The following ATP10A variants were observed in gnomAD, a reference collection of about 807,000 sequenced individuals.
The protein encoded by ATP10A is ATPase phospholipid transporting 10A (putative).
A neutral mutation model predicts 147.8 loss-of-function variants in ATP10A; 111 were observed. The ratio of observed to expected loss-of-function variants is 0.75; its 90% CI spans 0.64 to 0.88. The LOEUF (loss-of-function observed/expected upper bound fraction) is 0.88. ATP10A is among the 40% of genes least tolerant of loss of function. ATP10A has a pLI of 0.00. For missense variants in ATP10A, 1,927 were observed against 1,959.0 expected (o/e 0.98, Z 0.31); for synonymous variants, 875 against 841.6 (o/e 1.04, Z -0.69).
At chr15:25,675,191 T>C (rs551140235), downstream of ATP10A, among the ~76,000 whole-genome samples, 1 of 152,196 alleles carries the variant, frequency 6.6e-6, no homozygotes, top group East Asian at 1.9e-4. Flanking sequence ...GTTTGTGCCA[T>C]CCCAAGTCTG....
intron 1 of ATP10A, among the ~76,000 whole-genome samples, chr15:25,790,965 T>C (rs1480188445): frequency 2.0e-5 from 3 of 152,164 alleles, no homozygotes; most frequent in Non-Finnish European, 2.9e-5. Context: ...TTTTGCATTG[T>C]AAATATTTTT....
chr15:25,815,621 C>A (rs1891619525), intron 1 of ATP10A, among the ~76,000 whole-genome samples: 1 of 11,814 alleles, frequency 8.5e-5, no homozygotes, highest in East Asian at 3.3e-3. Context: ...GCAACTGTTA[C>A]CCATCACACA....
chr15:25,748,482 T>C (rs576621141), intron 2 of ATP10A, among the ~76,000 whole-genome samples: 1 of 152,240 alleles, frequency 6.6e-6, no homozygotes, highest in South Asian at 2.1e-4. Flanking sequence ...AGGCTACGAA[T>C]AAAAGAATCA....
At chr15:25,733,276 G>A (rs1195946374) in intron 3 of ATP10A, among the ~76,000 whole-genome samples, 1 of 152,138 alleles carries the variant, frequency 6.6e-6, no homozygotes, top group Non-Finnish European at 1.5e-5. Flanking sequence ...CTAGACAGCA[G>A]ATCTACCTCC....
intron 1 of ATP10A, among the ~76,000 whole-genome samples, chr15:25,824,940 C>T (rs983032158): frequency 3.3e-5 from 5 of 152,040 alleles, no homozygotes; most frequent in Admixed American, 1.3e-4. Flanking sequence ...GCAGGAGGTT[C>T]GCTTAAGCCC....
At chr15:25,730,966 T>C (rs1024391907) in intron 3 of ATP10A, among the ~76,000 whole-genome samples, 3 of 152,200 alleles carry the variant, frequency 2.0e-5, no homozygotes, top group Admixed American at 1.3e-4. Context: ...GTTTATTTAA[T>C]GCTTGGTCAC....
At chr15:25,778,383 G>A (rs1889730632) in intron 2 of ATP10A, among the ~76,000 whole-genome samples, 1 of 151,876 alleles carries the variant, frequency 6.6e-6, no homozygotes, top group African/African-American at 2.4e-5. Context: ...GGGTTTAAAA[G>A]TCAAGAGACT....
At chr15:25,695,208 C>A (rs1296922964) in intron 13 of ATP10A, 62 bp from the exon 14 acceptor site, 18 of 1,474,396 alleles carry the variant, frequency 1.2e-5, no homozygotes, top group Non-Finnish European at 1.7e-5. Flanking sequence ...CATCCCCGCC[C>A]TGGCTCAACA....
intron 1 of ATP10A, among the ~76,000 whole-genome samples, chr15:25,856,440 CTT>C (rs1893522957): frequency 6.6e-6 from 1 of 152,164 alleles, no homozygotes; most frequent in South Asian, 2.1e-4. Context: ...ATTACCCAGT[CTT>C]GGGTATTTCT....
At chr15:25,729,515 C>T (rs1902816079) in intron 3 of ATP10A, among the ~76,000 whole-genome samples, 1 of 152,184 alleles carries the variant, frequency 6.6e-6, no homozygotes, top group African/African-American at 2.4e-5. Flanking sequence ...CATGTGGGTT[C>T]CTCACACAGG....
intron 2 of ATP10A, among the ~76,000 whole-genome samples, chr15:25,757,900 T>C (rs12916827): frequency 0.087 from 1,314 of 15,188 alleles, 62 homozygotes; most frequent in East Asian, 0.23. Flanking sequence ...CTCATTCCTA[T>C]CACCTGCTCC....
At chr15:25,733,622 G>C (rs1013976933) in intron 3 of ATP10A, among the ~76,000 whole-genome samples, 1 of 152,218 alleles carries the variant, frequency 6.6e-6, no homozygotes, top group African/African-American at 2.4e-5. Flanking sequence ...ACAGCCCTGT[G>C]GCAAGCCCAG....
Position 25,862,962 on chromosome 15 carries a change from G to A in ATP10A, c.135C>T (p.Ala45=), listed in dbSNP as rs1336018133. 1.3e-6 allele frequency: 2 copies of A among 1,535,842 alleles called. No individual in the cohort carries two copies. The highest frequency in any genetic ancestry group is 2.0e-5 in the Admixed American group (1 of 50,148). ...CGCGCCGCCGTCGCCGCTCGCCCTT[G>A]GCCGCGCCAGCCGCAGGGTCCTCGG... The part of the protein sequence containing the change: ...PGAEDPAAGA[A]KGERRRRRGC... Residue 45 remains alanine (A), a synonymous_variant, in exon 1 of 21, where the codon GCC becomes GCT. Coordinates refer to ENST00000555815, the MANE Select transcript of ATP10A (RefSeq NM_024490.4).
intron 10 of ATP10A, chr15:25,710,208 G>A (rs1901315606): frequency 6.6e-6 from 1 of 152,220 alleles, no homozygotes; most frequent in Non-Finnish European, 1.5e-5. Flanking sequence ...GGTGACAGGA[G>A]GAATTCTGTG....
At chr15:25,698,689 T>C (rs1297755581) in intron 13 of ATP10A, among the ~76,000 whole-genome samples, 1 of 152,184 alleles carries the variant, frequency 6.6e-6, no homozygotes, top group Non-Finnish European at 1.5e-5. Flanking sequence ...AAAATACTAC[T>C]TACAAAACCT....
intron 2 of ATP10A, among the ~76,000 whole-genome samples, chr15:25,759,930 T>G (rs571629544): frequency 6.6e-6 from 1 of 152,152 alleles, no homozygotes; most frequent in African/African-American, 2.4e-5. Context: ...CACTTTGGTT[T>G]TATTTCACAG....
intron 1 of ATP10A, among the ~76,000 whole-genome samples, chr15:25,857,463 T>G (rs1567436578): frequency 6.6e-6 from 1 of 152,108 alleles, no homozygotes; most frequent in African/African-American, 2.4e-5. Context: ...TAATAATTTT[T>G]TTTAGGTATG....
intron 2 of ATP10A, among the ~76,000 whole-genome samples, chr15:25,746,221 A>G: frequency 6.6e-6 from 1 of 152,288 alleles, no homozygotes; most frequent in East Asian, 1.9e-4. Flanking sequence ...CTGTATTAAT[A>G]TTAGATAATA....
intron 12 of ATP10A, among the ~76,000 whole-genome samples, chr15:25,706,695 G>A (rs1901042562): frequency 6.6e-6 from 1 of 152,214 alleles, no homozygotes; most frequent in Admixed American, 6.5e-5. Flanking sequence ...TTACTCCAGG[G>A]GGCGGAACCA....
Sources: gnomAD v4.1 joint callset for allele counts (sites outside exome capture counted in the v4.1 genomes callset) on GRCh38, gnomAD v4.1.1 for gene constraint, MANE v1.5 for transcripts, NCBI Gene and HGNC (gene_info 2026-07-23, HGNC 2026-07-21) for gene names.